Variants in SATB2 observed in about 807,000 individuals in gnomAD.
The protein encoded by SATB2 is SATB homeobox 2, also known as DNA-binding protein SATB2.
Under a neutral mutation model 73.4 loss-of-function variants are expected in SATB2, and 1 was observed. That is an observed-to-expected ratio of 0.01 (90% CI 0.00 to 0.06). SATB2 has a LOEUF of 0.06. Ranked by LOEUF, SATB2 falls within the 10% of genes least tolerant of loss-of-function variation. The probability of loss-of-function intolerance (pLI) is 1.00; values close to 1 mark genes in which losing one functional copy is unlikely to be tolerated. For missense variants in SATB2, 459 were observed against 945.8 expected (o/e 0.49, Z 6.75); for synonymous variants, 397 against 367.0 (o/e 1.08, Z -0.93).
At chr2:199,337,289 T>C (rs1319670164) in intron 7 of SATB2, among the ~76,000 whole-genome samples, 1 of 152,188 alleles carries the variant, frequency 6.6e-6, no homozygotes, top group East Asian at 1.9e-4. Context: ...AATTAAAATA[T>C]TCAATTTATA....
At chr2:199,434,647 G>T (rs1015116770) in intron 2 of SATB2, among the ~76,000 whole-genome samples, 9 of 152,074 alleles carry the variant, frequency 5.9e-5, no homozygotes, top group African/African-American at 2.2e-4. Context: ...AGACGGGGGA[G>T]GTAGAAAGTC....
chr2:199,446,279 G>T (rs1278679876), intron 2 of SATB2, among the ~76,000 whole-genome samples: 2 of 152,082 alleles, frequency 1.3e-5, no homozygotes, highest in Non-Finnish European at 2.9e-5. Context: ...GGACAGAAAA[G>T]AAAAATATTT....
In SATB2 at chr2:199,367,223, G is replaced by A. The variant is rs564594263; in HGVS notation, c.700+1382C>T. ...CACATCGATGTCTTATAATGAGAAG[G>A]GGTTATTCATCTTATATTGCACAAG... On this transcript the variant is annotated intron_variant, in intron 6 of 10. Transcript: ENST00000417098. Among the ~76,000 whole-genome samples, 4 of 152,188 alleles carry A rather than the reference G, an allele frequency of 2.6e-5. No individual in the cohort carries two copies. In the South Asian group the frequency reaches 8.3e-4, roughly 32 times the overall value.
intron 10 of SATB2, among the ~76,000 whole-genome samples, chr2:199,290,059 C>A (rs1048722584): frequency 6.6e-6 from 1 of 152,190 alleles, no homozygotes; most frequent in African/African-American, 2.4e-5. Flanking sequence ...GCAGCCTGAG[C>A]CCCTGCTGGT....
intron 10 of SATB2, among the ~76,000 whole-genome samples, chr2:199,285,290 T>C (rs934823482): frequency 6.6e-6 from 1 of 152,114 alleles, no homozygotes; most frequent in East Asian, 1.9e-4. Context: ...AGAAAGAGTG[T>C]AGGAGAAAAT....
chr2:199,440,866 TTTA>T (rs1031912414), intron 2 of SATB2, among the ~76,000 whole-genome samples: 12 of 151,974 alleles, frequency 7.9e-5, no homozygotes, highest in African/African-American at 2.7e-4. Flanking sequence ...TTTTTTTTTT[TTTA>T]GATGGAATTT....
At chr2:199,374,955 C>T (rs1455120344) in intron 5 of SATB2, among the ~76,000 whole-genome samples, 7 of 149,306 alleles carry the variant, frequency 4.7e-5, no homozygotes, top group Admixed American at 4.7e-4. Flanking sequence ...CCCAGGGAGA[C>T]TCCGTCGCAA....
chr2:199,331,485 C>T (rs554932308), intron 7 of SATB2, among the ~76,000 whole-genome samples: 1 of 152,080 alleles, frequency 6.6e-6, no homozygotes. Flanking sequence ...CACATATTAC[C>T]CCCAGAGAAT....
intron 10 of SATB2, among the ~76,000 whole-genome samples, chr2:199,274,606 C>T (rs946980858): frequency 3.3e-5 from 5 of 152,150 alleles, no homozygotes; most frequent in Admixed American, 1.3e-4. Context: ...AATAAGCTGA[C>T]GGCTAGTGGC....
chr2:199,359,749 T>C (rs1394871914), intron 6 of SATB2, among the ~76,000 whole-genome samples: 2 of 152,136 alleles, frequency 1.3e-5, no homozygotes, highest in Non-Finnish European at 2.9e-5. Context: ...CAAGCAGCTT[T>C]TGGCCCAGAA....
At chr2:199,299,778 T>C (rs1687227197) in intron 10 of SATB2, among the ~76,000 whole-genome samples, 1 of 152,110 alleles carries the variant, frequency 6.6e-6, no homozygotes, top group African/African-American at 2.4e-5. Flanking sequence ...ACTTGAAGCC[T>C]AACAGCAGGC....
intron 6 of SATB2, among the ~76,000 whole-genome samples, chr2:199,363,848 CA>C (rs2105844053): frequency 6.6e-6 from 1 of 152,292 alleles, no homozygotes; most frequent in Non-Finnish European, 1.5e-5. Context: ...ACAACATAGG[CA>C]GAGGGCAGAC....
rs776791250 is a variant in SATB2, at chr2:199,348,746, A to G, written c.1128T>C (p.Ser376=). Residue 376 remains serine (S), a synonymous_variant, in exon 7 of 11, where the codon AGT becomes AGC. Coordinates refer to ENST00000417098, the MANE Select transcript of SATB2 (RefSeq NM_001172509.2). The part of the protein sequence containing the change: ...QQVRDELKRA[S]VSQAVFARVA... ...CTCTTGCAAAGACAGCTTGGGACAC[A>G]CTGGCCCTCTTCAGCTCATCTCTGA... The G allele has an allele frequency of 1.3e-6, 2 of 1,591,622 alleles. No homozygotes were observed. Among genetic ancestry groups the G allele is most frequent in the Non-Finnish European group, 1.7e-6 (2 of 1,167,698 alleles).
intron 3 of SATB2, among the ~76,000 whole-genome samples, chr2:199,422,984 A>G (rs1218708540): frequency 6.6e-6 from 1 of 152,126 alleles, no homozygotes; most frequent in Non-Finnish European, 1.5e-5. Flanking sequence ...AATTTTTCAG[A>G]TAATTCAGAC....
intron 3 of SATB2, among the ~76,000 whole-genome samples, chr2:199,407,510 A>G (rs1240645902): frequency 6.6e-6 from 1 of 152,154 alleles, no homozygotes; most frequent in East Asian, 1.9e-4. Context: ...GAGATCTAAG[A>G]TAAGTGAAAC....
chr2:199,288,016 T>A (rs1033700087), intron 10 of SATB2, among the ~76,000 whole-genome samples: 2 of 152,204 alleles, frequency 1.3e-5, no homozygotes, highest in Admixed American at 6.5e-5. Context: ...TTAGTGTGAA[T>A]AAACACCTTC....
At chr2:199,363,329 A>G (rs1689191989) in intron 6 of SATB2, among the ~76,000 whole-genome samples, 1 of 152,220 alleles carries the variant, frequency 6.6e-6, no homozygotes, top group Admixed American at 6.5e-5. Flanking sequence ...ATTTCTATGA[A>G]TCCGATATTT....
At chr2:199,304,804 A>G (rs13419333) in intron 10 of SATB2, among the ~76,000 whole-genome samples, 19,374 of 152,144 alleles carry the variant, frequency 0.13, 1,462 homozygotes, top group South Asian at 0.32. Flanking sequence ...AGATAATTCA[A>G]TATGACATCA....
chr2:199,304,809 A>G (rs1016546446), intron 10 of SATB2, among the ~76,000 whole-genome samples: 2 of 152,174 alleles, frequency 1.3e-5, no homozygotes, highest in African/African-American at 4.8e-5. Flanking sequence ...ATTCAATATG[A>G]CATCAAAGCT....
Sources: gnomAD v4.1 joint callset for allele counts (sites outside exome capture counted in the v4.1 genomes callset) on GRCh38, gnomAD v4.1.1 for gene constraint, MANE v1.5 for transcripts, NCBI Gene and HGNC (gene_info 2026-07-23, HGNC 2026-07-21) for gene names.